Variants in GFOD2 observed in about 807,000 individuals in gnomAD.
The protein encoded by GFOD2 is Gfo/Idh/MocA-like oxidoreductase domain containing 2, also known as glucose-fructose oxidoreductase domain-containing protein 2.
A neutral mutation model predicts 24.6 loss-of-function variants in GFOD2; 9 were observed. That is an observed-to-expected ratio of 0.37 (90% CI 0.22 to 0.64). GFOD2 has a LOEUF of 0.64. GFOD2 is among the 30% of genes least tolerant of loss of function. The pLI is 0.65. For synonymous variants in GFOD2, 211 were observed against 224.8 expected (o/e 0.94, Z 0.55); for missense variants, 476 against 532.5 (o/e 0.89, Z 1.04).
chr16:67,701,415 T>C (rs890781021), intron 1 of GFOD2, among the ~76,000 whole-genome samples: 1 of 152,336 alleles, frequency 6.6e-6, no homozygotes. Context: ...ATGGATACTA[T>C]TCAGCAATAG....
chr16:67,691,517 CAAAA>C (rs571514888), intron 1 of GFOD2, among the ~76,000 whole-genome samples: 17 of 139,914 alleles, frequency 1.2e-4, no homozygotes, highest in African/African-American at 3.9e-4. Flanking sequence ...GACCCCCCCC[CAAAA>C]AAAAAAAAAT....
intron 1 of GFOD2, among the ~76,000 whole-genome samples, chr16:67,696,964 A>G (rs1471464332): frequency 6.6e-6 from 1 of 151,810 alleles, no homozygotes; most frequent in Non-Finnish European, 1.5e-5. Flanking sequence ...ACCCTTTCTC[A>G]CCCCTAAAAT....
intron 1 of GFOD2, among the ~76,000 whole-genome samples, chr16:67,692,589 A>T (rs2142995106): frequency 6.6e-6 from 1 of 151,862 alleles, no homozygotes; most frequent in African/African-American, 2.4e-5. Flanking sequence ...CAAACAAAAC[A>T]AAACAAAACA....
chr16:67,685,231 G>A (rs182003194), intron 2 of GFOD2: 1 of 1,427,618 alleles, frequency 7.0e-7, no homozygotes, highest in East Asian at 2.5e-5. Flanking sequence ...GTCTCTTAGA[G>A]TATTTCCTTA....
intron 1 of GFOD2, among the ~76,000 whole-genome samples, chr16:67,706,215 G>A (rs2053438342): frequency 6.6e-6 from 1 of 152,034 alleles, no homozygotes; most frequent in Non-Finnish European, 1.5e-5. Context: ...AACCTTGTGA[G>A]ATCTGCCTGC....
chr16:67,716,342 T>C (rs532018566), intron 1 of GFOD2, among the ~76,000 whole-genome samples: 12 of 152,310 alleles, frequency 7.9e-5, no homozygotes, highest in Admixed American at 6.5e-4. Context: ...GAAAATGGCA[T>C]AGAAGTTAAG....
chr16:67,711,588 G>A (rs1203763170), intron 1 of GFOD2, among the ~76,000 whole-genome samples: 2 of 152,022 alleles, frequency 1.3e-5, no homozygotes, highest in Admixed American at 6.6e-5. Context: ...AGCTCCAGAC[G>A]GGTGCAAACA....
rs895846487 is a variant in GFOD2, at chr16:67,678,905, C to T, written c.260-2852G>A. On this transcript the variant is annotated intron_variant, in intron 2 of 2. Coordinates refer to ENST00000268797, the MANE Select transcript of GFOD2 (RefSeq NM_030819.4). ...AGACTTGGCTGGGCGTGGTGGCTCA[C>T]GCTTATAATCCCAGCACTTTGGGAG... Among the ~76,000 whole-genome samples the T allele has an allele frequency of 4.6e-5, 7 of 152,080 alleles. No individual in the cohort carries two copies. The South Asian group carries it at 6.2e-4, about 14-fold the overall frequency.
chr16:67,687,640 CAA>C (rs11302803), intron 1 of GFOD2, among the ~76,000 whole-genome samples: 30 of 49,148 alleles, frequency 6.1e-4, no homozygotes, highest in African/African-American at 1.6e-3. Flanking sequence ...GACTCCGTCT[CAA>C]AAAAAAAAAA....
chr16:67,715,271 G>C (rs2053499159), intron 1 of GFOD2, among the ~76,000 whole-genome samples: 1 of 152,146 alleles, frequency 6.6e-6, no homozygotes, highest in Non-Finnish European at 1.5e-5. Flanking sequence ...TGTCGGCCAG[G>C]CTGGTCTCCA....
rs116947802 is a variant in GFOD2 at position 67,688,395 on chromosome 16, T to C, written c.-87-2593A>G. ...TTTTCAATTTTTGAACTTTGCCAAA[T>C]TTTCTGAGACATGATTCTGTCTTAT... On this transcript the variant is annotated intron_variant, in intron 1 of 2. Transcript: ENST00000268797. 5.5e-3 allele frequency among the ~76,000 whole-genome samples: 836 copies of C among 152,300 alleles called. 7 individuals are homozygous for C. Among genetic ancestry groups the C allele is most frequent in the South Asian group, 0.014 (68 of 4,824 alleles).
chr16:67,677,081 A>G (rs1022016287), intron 2 of GFOD2: 1 of 152,222 alleles, frequency 6.6e-6, no homozygotes, highest in Non-Finnish European at 1.5e-5. Flanking sequence ...CAGAAAGGGT[A>G]AAGACACCCT....
chr16:67,718,030 T>G (rs2053518896), intron 1 of GFOD2, among the ~76,000 whole-genome samples: 2 of 152,226 alleles, frequency 1.3e-5, no homozygotes, highest in Admixed American at 1.3e-4. Flanking sequence ...TGGATGGCCT[T>G]AAAACTCTTT....
chr16:67,699,728 C>T (rs771144386), intron 1 of GFOD2, among the ~76,000 whole-genome samples: 8 of 152,108 alleles, frequency 5.3e-5, no homozygotes, highest in Non-Finnish European at 1.2e-4. Flanking sequence ...AAGCGATCCA[C>T]CAGCCTCAGC....
intron 1 of GFOD2, among the ~76,000 whole-genome samples, chr16:67,689,168 AGCT>A (rs1228678158): frequency 6.6e-6 from 1 of 151,178 alleles, no homozygotes; most frequent in African/African-American, 2.4e-5. Flanking sequence ...GCCACATGAT[AGCT>A]GGGATTACAG....
intron 1 of GFOD2, among the ~76,000 whole-genome samples, chr16:67,703,554 T>G (rs762364982): frequency 6.6e-6 from 1 of 152,210 alleles, no homozygotes; most frequent in Non-Finnish European, 1.5e-5. Context: ...CAATCTCAAC[T>G]GGCAGGAACT....
In GFOD2 at chr16:67,715,846, A is replaced by C. The variant is rs183468480; in HGVS notation, c.-88+3317T>G. On this transcript the variant is annotated intron_variant, in intron 1 of 2. Transcript: ENST00000268797. ...GACCCCCATCTCTACAAAAAAAAAA[A>C]AAACTTGTTTTATTAGCTGTCTATG... Among the ~76,000 whole-genome samples, 341 of 152,152 alleles carry C rather than the reference A, an allele frequency of 2.2e-3. 2 individuals are homozygous for C. Among genetic ancestry groups the C allele is most frequent in the Non-Finnish European group, 3.8e-3 (258 of 68,004 alleles).
chr16:67,681,468 G>T lies in GFOD2; in HGVS notation c.259+3989C>A, dbSNP rs2053224741. The stretch of plus-strand genomic sequence containing the variant: ...TGGGGACTCGCTTTGTTACCCAGTG[G>T]TATAATCTTGGCTCATTGCAACCTC... On this transcript the variant is annotated intron_variant, in intron 2 of 2. Coordinates refer to ENST00000268797, the MANE Select transcript of GFOD2 (RefSeq NM_030819.4). 2.5e-5 allele frequency: 23 copies of T among 933,636 alleles called. No homozygotes were observed. The Admixed American group carries it at 3.7e-4, about 15-fold the overall frequency. 57.8% of individuals were successfully genotyped at this position (933,636 alleles called of 1,614,324 possible).
chr16:67,679,962 G>C (rs575648606), intron 2 of GFOD2, among the ~76,000 whole-genome samples: 1 of 152,244 alleles, frequency 6.6e-6, no homozygotes, highest in Non-Finnish European at 1.5e-5. Context: ...GCAGTAGCGG[G>C]ATTCTGGTTC....
Sources: allele counts gnomAD v4.1 joint callset (sites outside exome capture counted in the v4.1 genomes callset), GRCh38; gene constraint gnomAD v4.1.1; transcripts MANE v1.5; gene names NCBI Gene and HGNC (gene_info 2026-07-23, HGNC 2026-07-21).